CROCC2: variants seen among roughly 807,000 people sequenced by gnomAD.
CROCC2 encodes ciliary rootlet coiled-coil, rootletin family member 2.
Under a neutral mutation model 177.6 loss-of-function variants are expected in CROCC2, and 163 were observed. That is an observed-to-expected ratio of 0.92 (90% confidence interval 0.81 to 1.05). The LOEUF (loss-of-function observed/expected upper bound fraction) is 1.05, where lower values mean the gene tolerates loss of function less well. CROCC2 is among the 50% of genes least tolerant of loss of function. The pLI is 0.00. For synonymous variants in CROCC2, 904 were observed against 787.3 expected (o/e 1.15, Z -2.48); for missense variants, 1,929 against 1,797.8 (o/e 1.07, Z -1.32).
chr2:240,930,579 T>A (rs1488227042), intron 6 of CROCC2, among the ~76,000 whole-genome samples: 1 of 152,060 alleles, frequency 6.6e-6, no homozygotes, highest in Non-Finnish European at 1.5e-5. Flanking sequence ...ATGGAGCTTC[T>A]GGAGTCTGTC....
intron 25 of CROCC2, 76 bp downstream of exon 25, chr2:240,966,485 C>T (rs1574785709): frequency 2.5e-6 from 1 of 398,768 alleles, no homozygotes; most frequent in East Asian, 3.6e-5. Context: ...GCTGTCCATC[C>T]ATCCGCGCGT....
chr2:240,934,902 C>G lies in CROCC2; in HGVS notation c.1792-14C>G. On this transcript the variant is annotated splice_polypyrimidine_tract_variant and intron_variant, in intron 12 of 31. Coordinates refer to ENST00000690015, the MANE Select transcript of CROCC2 (RefSeq NM_001351305.2). ...GCTGAAGGTCCCTCCCTGGCATCCC[C>G]CTCCCTGCCCCAGGCCGAGTGCAGC... The G allele has an allele frequency of 6.7e-7, 1 of 1,487,028 alleles. No individual in the cohort carries two copies. 92.1% of individuals were successfully genotyped at this position (1,487,028 alleles called of 1,614,324 possible).
chr2:240,961,673 G>A (rs916990652), intron 20 of CROCC2, among the ~76,000 whole-genome samples: 10 of 135,402 alleles, frequency 7.4e-5, no homozygotes, highest in African/African-American at 2.6e-4. Context: ...ACACACACAC[G>A]TAGTGCATGC....
chr2:240,950,065 C>A (rs1484014049), intron 17 of CROCC2, among the ~76,000 whole-genome samples: 1 of 152,194 alleles, frequency 6.6e-6, no homozygotes, highest in Non-Finnish European at 1.5e-5. Flanking sequence ...TGTCTTTACA[C>A]CCCTCCGTGG....
chr2:240,933,369 C>T (rs958503318), intron 10 of CROCC2, 27 bp downstream of exon 10: 1 of 1,480,436 alleles, frequency 6.8e-7, no homozygotes, highest in Admixed American at 2.2e-5. Flanking sequence ...GTTGCACGGC[C>T]TTGCACAGGG....
chr2:240,983,096 G>A, intron 28 of CROCC2, 67 bp downstream of exon 28: 3 of 1,433,672 alleles, frequency 2.1e-6, no homozygotes, highest in East Asian at 5.0e-5. Context: ...ACAGGGAAGA[G>A]GCCCTGTGGT....
At position 240,965,696 on chromosome 2, in the gene CROCC2, C is replaced by T. The variant is rs556285853; in HGVS notation, c.3664C>T (p.Arg1222Trp). 63 of 1,549,864 alleles carry T rather than the reference C, an allele frequency of 4.1e-5. No homozygotes were observed. Among genetic ancestry groups the T allele is most frequent in the South Asian group, 6.0e-5 (5 of 83,924 alleles). ...VEAAGEAHGQ[R>W]LQEHLRESRG... ...GGCCGCAGGGGAGGCCCATGGACAG[C>T]GGCTCCAGGAGCACCTCCGTGAGAG... Residue 1222 changes from arginine (R) to tryptophan (W), a missense_variant, in exon 24 of 32, where the codon CGG becomes TGG. Coordinates refer to ENST00000690015, the MANE Select transcript of CROCC2 (RefSeq NM_001351305.2).
intron 14 of CROCC2, among the ~76,000 whole-genome samples, chr2:240,939,956 T>C (rs2059487436): frequency 6.6e-6 from 1 of 152,224 alleles, no homozygotes; most frequent in Non-Finnish European, 1.5e-5. Flanking sequence ...CAGTCTGTTG[T>C]CTATCTTGAA....
chr2:240,941,221 A>G (rs988164153), intron 14 of CROCC2, among the ~76,000 whole-genome samples: 5 of 152,224 alleles, frequency 3.3e-5, no homozygotes, highest in South Asian at 4.1e-4. Flanking sequence ...ATGCTCATGG[A>G]CGAGTAGAAT....
chr2:240,982,797 C>A lies in CROCC2; in HGVS notation c.4402-83C>A. 1 of 1,270,060 alleles carries A rather than the reference C, an allele frequency of 7.9e-7. No homozygotes were observed. The highest frequency in any genetic ancestry group is 1.1e-6 in the Non-Finnish European group (1 of 919,946). 78.7% of individuals were successfully genotyped at this position (1,270,060 alleles called of 1,614,324 possible). ...ATACGGTCCTGCCAGACGGTCTAGG[C>A]AGATGCCCTGAGGCCAGGGTTTCCC... On this transcript the variant is annotated intron_variant, in intron 27 of 31. Coordinates refer to ENST00000690015, the MANE Select transcript of CROCC2 (RefSeq NM_001351305.2). The surrounding 1 kb of genome is among the most constrained non-coding windows in gnomAD (Gnocchi z 4.7).
At position 240,955,852 on chromosome 2, in the gene CROCC2, T is replaced by C. The variant is rs1234136106; in HGVS notation, c.2830-7T>C. The C allele has an allele frequency of 2.0e-6, 3 of 1,528,730 alleles. No homozygotes were observed. The highest frequency in any genetic ancestry group is 2.6e-6 in the Non-Finnish European group (3 of 1,141,190). 94.7% of individuals were successfully genotyped at this position (1,528,730 alleles called of 1,614,324 possible). ...ACTTTCTCACAAGCATACCCCGTCC[T>C]GTTCAGGCCCTGTCCCTGAAAGAAA... is the stretch of plus-strand genomic sequence containing the variant. On this transcript the variant is annotated splice_region_variant and splice_polypyrimidine_tract_variant and intron_variant, in intron 18 of 31. Coordinates refer to ENST00000690015, the MANE Select transcript of CROCC2 (RefSeq NM_001351305.2).
intron 19 of CROCC2, 35 bp from the exon 20 acceptor site, chr2:240,959,266 C>T (rs1308145254): frequency 4.5e-6 from 7 of 1,546,750 alleles, no homozygotes; most frequent in East Asian, 2.4e-5. Flanking sequence ...GGGCCCAGCT[C>T]CCTGGTGCCA....
At chr2:240,938,600 C>T (rs541153578) in intron 14 of CROCC2, among the ~76,000 whole-genome samples, 2 of 152,314 alleles carry the variant, frequency 1.3e-5, no homozygotes, top group South Asian at 4.1e-4. Flanking sequence ...CTTCCCTCCC[C>T]TGCAAAATAG....
intron 18 of CROCC2, chr2:240,955,479 C>G (rs762784817): frequency 1.1e-5 from 2 of 187,602 alleles, no homozygotes; most frequent in Admixed American, 5.6e-5. Context: ...GCTTTCTTCT[C>G]TGCACTGCAT....
Position 240,959,287 on chromosome 2 carries a change from C to A in CROCC2, c.2944-14C>A, listed in dbSNP as rs1042305387. On this transcript the variant is annotated splice_polypyrimidine_tract_variant and intron_variant, in intron 19 of 31. Coordinates refer to ENST00000690015, the MANE Select transcript of CROCC2 (RefSeq NM_001351305.2). Reference sequence around the variant, plus strand: ...AGCTCCCTGGTGCCACCGTGGGCTCCCTTCTCCCCGCAGGCCACCATCAGT... The same window carrying A: ...AGCTCCCTGGTGCCACCGTGGGCTCACTTCTCCCCGCAGGCCACCATCAGT... 2.1e-5 allele frequency: 32 copies of A among 1,549,610 alleles called. No homozygotes were observed. Among genetic ancestry groups the A allele is most frequent in the Middle Eastern group, 1.7e-4 (1 of 5,870 alleles).
At chr2:240,952,204 G>T (rs575538163) in intron 18 of CROCC2, among the ~76,000 whole-genome samples, 1 of 151,772 alleles carries the variant, frequency 6.6e-6, no homozygotes, top group East Asian at 1.9e-4. Context: ...AAAATTAGCC[G>T]GGCATGGTGG....
In CROCC2 at chr2:240,918,669, G is replaced by A. The variant is rs1432875076; in HGVS notation, c.79-57G>A. On this transcript the variant is annotated intron_variant, in intron 1 of 31. Coordinates refer to ENST00000690015, the MANE Select transcript of CROCC2 (RefSeq NM_001351305.2). The surrounding 1 kb of genome is among the most constrained non-coding windows in gnomAD (Gnocchi z 6.3). ...CTCCCATTCAGTGGGATCGTAGAGG[G>A]TGCCTGGCAGCTGTTGGGGGCTGCC... 3.2e-5 allele frequency: 17 copies of A among 538,870 alleles called. No homozygotes were observed. The highest frequency in any genetic ancestry group is 3.3e-5 in the Non-Finnish European group (10 of 299,952). The allele number at this position is 538,870 out of a possible 1,614,324, so 33.4% of individuals were successfully genotyped here.
In CROCC2 at chr2:240,946,224, G is replaced by A. The variant is rs552127413; in HGVS notation, c.2334G>A (p.Arg778=). The A allele has an allele frequency of 3.2e-6, 5 of 1,539,752 alleles. No individual in the cohort carries two copies. Among genetic ancestry groups the A allele is most frequent in the East Asian group, 4.9e-5 (2 of 40,564 alleles). The change falls in exon 15 of 32, where the codon CGG becomes CGA. Residue 778 remains arginine, a synonymous_variant. Coordinates refer to ENST00000690015, the MANE Select transcript of CROCC2 (RefSeq NM_001351305.2). ...AKQEALERQG[R]LAAEEAADLR... Reference sequence around the variant, plus strand: ...AGGAGGCCTTGGAGAGGCAGGGCCGGCTCGCAGCTGAAGAGGCAGCTGATC... The same window carrying A: ...AGGAGGCCTTGGAGAGGCAGGGCCGACTCGCAGCTGAAGAGGCAGCTGATC...
rs867290950 is a variant in CROCC2, at chr2:240,914,536, G to A, written c.79-4190G>A. On this transcript the variant is annotated intron_variant, in intron 1 of 31. Transcript: ENST00000690015. ...CTGGCAGCCCCCTGCAGCGCTCCTC[G>A]CGGCCACACGGGGGCACTGTTGGAG... 9.2e-5 allele frequency among the ~76,000 whole-genome samples: 14 copies of A among 152,330 alleles called. No individual in the cohort carries two copies. In the Middle Eastern group the frequency reaches 0.017, roughly 185 times the overall value.
Sources: gnomAD v4.1 joint callset for allele counts (sites outside exome capture counted in the v4.1 genomes callset) on GRCh38, gnomAD v4.1.1 for gene constraint, Gnocchi (gnomAD v3.1) non-coding constraint, MANE v1.5 for transcripts, NCBI Gene and HGNC (gene_info 2026-07-23, HGNC 2026-07-21) for gene names.